PROX2: variants seen among roughly 807,000 people sequenced by gnomAD.
PROX2 encodes the protein prospero homeobox protein 2.
A neutral mutation model predicts 48.9 loss-of-function variants in PROX2; 46 were observed. That is an observed-to-expected ratio of 0.94 (90% CI 0.74 to 1.20). The LOEUF is 1.20. Ranked by LOEUF, PROX2 falls within the 50% of genes most tolerant of loss-of-function variation. The pLI is 0.00. For missense variants in PROX2, 663 were observed against 719.4 expected, an observed-to-expected ratio of 0.92 and a Z score of 0.90; for synonymous variants, 260 against 276.6, an observed-to-expected ratio of 0.94 and a Z score of 0.60.
intron 3 of PROX2, chr14:74,861,341 T>TTGA: frequency 2.9e-6 from 2 of 689,888 alleles, no homozygotes; most frequent in Non-Finnish European, 4.7e-6. Context: ...ACTTAAGTTC[T>TTGA]GCAAGATGCT....
intron 4 of PROX2, 30 bp from the exon 5 acceptor site, chr14:74,857,025 A>C: frequency 6.3e-7 from 1 of 1,594,412 alleles, no homozygotes; most frequent in South Asian, 1.1e-5. Context: ...ATCCAGTCAG[A>C]CATTTGCCAC....
Position 74,863,428 on chromosome 14 carries a change from AGTT to A in PROX2, c.404_406del (p.Gln135del). On this transcript the variant is annotated inframe_deletion, in exon 3 of 6. Coordinates refer to ENST00000556489, the MANE Select transcript of PROX2 (RefSeq NM_001243007.2). ...TCTTAGCTGTTGCTTCAGCAGATGA[AGTT>A]GTTCTCTCACACGAGGGCCCCCCTT... The A allele has an allele frequency of 6.2e-7, 1 of 1,613,468 alleles. No homozygotes were observed. Among genetic ancestry groups the A allele is most frequent in the South Asian group, 1.1e-5 (1 of 91,000 alleles).
chr14:74,868,917 G>C (rs968731518), intron 2 of PROX2, among the ~76,000 whole-genome samples: 1 of 151,988 alleles, frequency 6.6e-6, no homozygotes, highest in African/African-American at 2.4e-5. Flanking sequence ...TGAATCCCTA[G>C]AGCCACTTAG....
rs889447762 is a variant in PROX2, at chr14:74,854,870, G to T, written c.*262C>A. 3.8e-6 allele frequency: 1 copy of T among 260,050 alleles called. No homozygotes were observed. Among genetic ancestry groups the T allele is most frequent in the Admixed American group, 5.3e-5 (1 of 18,910 alleles). The allele number at this position is 260,050 out of a possible 1,614,324, so 16.1% of individuals were successfully genotyped here. A position where few individuals can be genotyped will look rare whatever the true frequency, so the allele number is the denominator to read the frequency against. On this transcript the variant is annotated 3_prime_UTR_variant, in exon 6 of 6. Transcript: ENST00000556489. ...CAACACCTGGAAACAATGGAGTTGAGCTTCAAGTCTTCTGATTGGAAACTT... is the reference window on the plus strand; with the variant it reads ...CAACACCTGGAAACAATGGAGTTGATCTTCAAGTCTTCTGATTGGAAACTT...
intron 5 of PROX2, chr14:74,856,580 C>T: frequency 1.8e-6 from 1 of 555,512 alleles, no homozygotes; most frequent in Non-Finnish European, 3.2e-6. Context: ...TCTCACTAAG[C>T]TTCAGAATGA....
intron 5 of PROX2, 145 bp from the exon 6 acceptor site, chr14:74,855,447 C>T: frequency 2.0e-6 from 1 of 494,174 alleles, no homozygotes. Flanking sequence ...TTCTGCAACC[C>T]TAGGACTCCT....
In PROX2 at chr14:74,864,719, T is replaced by C. The variant is rs545295523; in HGVS notation, c.-174-711A>G. Among the ~76,000 whole-genome samples the C allele has an allele frequency of 7.2e-5, 11 of 152,108 alleles. 1 individual carries two copies. The South Asian group carries it at 1.9e-3, about 26-fold the overall frequency. ...AGCTGGGCGTGATGGCGGGCGCCTG[T>C]TAATCCCAGCTACTTGGGAGGCTGA... is the stretch of plus-strand genomic sequence containing the variant. On this transcript the variant is annotated intron_variant, in intron 2 of 5. Coordinates refer to ENST00000556489, the MANE Select transcript of PROX2 (RefSeq NM_001243007.2).
intron 3 of PROX2, among the ~76,000 whole-genome samples, chr14:74,860,333 A>G (rs1378171692): frequency 6.6e-6 from 1 of 151,902 alleles, no homozygotes; most frequent in African/African-American, 2.4e-5. Flanking sequence ...GATAAAATCT[A>G]TTAATAGCCT....
chr14:74,862,257 A>G (rs184716860), intron 3 of PROX2, among the ~76,000 whole-genome samples: 1 of 152,330 alleles, frequency 6.6e-6, no homozygotes, highest in Non-Finnish European at 1.5e-5. Context: ...GCTGGAGTGC[A>G]GTGGTGCAAT....
intron 2 of PROX2, 25 bp from the exon 3 acceptor site, chr14:74,864,033 G>GAGACAGGA: frequency 2.1e-6 from 1 of 486,484 alleles, no homozygotes; most frequent in Non-Finnish European, 3.3e-6. Flanking sequence ...AGGAAGAAAA[G>GAGACAGGA]AGTACGTGTG....
In PROX2 at chr14:74,862,820, G is replaced by A; in HGVS notation, c.1015C>T (p.His339Tyr). Residue 339 changes from histidine to tyrosine, a missense_variant, in exon 3 of 6, where the codon CAC becomes TAC. Coordinates refer to ENST00000556489, the MANE Select transcript of PROX2 (RefSeq NM_001243007.2). ...CTAAGAATCTGATTTTCCTGGATGTGGGAAGGTGCAGTCAAGGGAAAGTTT... is the reference window on the plus strand; with the variant it reads ...CTAAGAATCTGATTTTCCTGGATGTAGGAAGGTGCAGTCAAGGGAAAGTTT... ...PANFPLTAPS[H>Y]IQENQILSQL... is the part of the protein sequence containing the mutation. 6 of 1,614,036 alleles carry A rather than the reference G, an allele frequency of 3.7e-6. No individual in the cohort carries two copies. Among genetic ancestry groups the A allele is most frequent in the Non-Finnish European group, 5.1e-6 (6 of 1,179,888 alleles).
intron 2 of PROX2, 118 bp downstream of exon 2, chr14:74,870,985 T>A (rs1883199845): frequency 6.6e-6 from 1 of 152,270 alleles, no homozygotes; most frequent in Non-Finnish European, 1.5e-5. Context: ...GAGGTTGCAG[T>A]GAGCCGAGAT....
At chr14:74,868,987 A>T (rs964325195) in intron 2 of PROX2, among the ~76,000 whole-genome samples, 8 of 152,198 alleles carry the variant, frequency 5.3e-5, no homozygotes, top group African/African-American at 1.4e-4. Context: ...CATAACCATA[A>T]TATCTATGGT....
chr14:74,854,468 T>G lies in PROX2; in HGVS notation c.*664A>C. 1 of 223,448 alleles carries G rather than the reference T, an allele frequency of 4.5e-6. No homozygotes were observed. The highest frequency in any genetic ancestry group is 9.3e-6 in the Non-Finnish European group (1 of 107,542). The allele number at this position is 223,448 out of a possible 1,614,324, so 13.8% of individuals were successfully genotyped here. ...GCAGGAGATGGGTCCAGCATGCAGT[T>G]GGGCATCAGAAAGTCTTGGTTCCTC... On this transcript the variant is annotated 3_prime_UTR_variant, in exon 6 of 6. Transcript: ENST00000556489.
chr14:74,873,323 T>C (rs1454078594), intron 1 of PROX2, among the ~76,000 whole-genome samples: 6 of 152,182 alleles, frequency 3.9e-5, no homozygotes, highest in Admixed American at 3.9e-4. Flanking sequence ...ACAAATTAAC[T>C]CTGCCTTTTC....
At chr14:74,858,228 A>G in intron 4 of PROX2, 179 bp downstream of exon 4, 1 of 506,078 alleles carries the variant, frequency 2.0e-6, no homozygotes, top group South Asian at 3.5e-5. Context: ...TTTCTAGCCT[A>G]AAGTTATTCA....
intron 2 of PROX2, among the ~76,000 whole-genome samples, chr14:74,867,089 T>C (rs1883083965): frequency 6.6e-6 from 1 of 152,178 alleles, no homozygotes; most frequent in Non-Finnish European, 1.5e-5. Flanking sequence ...TTTCTTTTGA[T>C]TGTTTCCATT....
intron 3 of PROX2, among the ~76,000 whole-genome samples, chr14:74,860,260 G>C (rs1053684389): frequency 6.6e-6 from 1 of 152,190 alleles, no homozygotes; most frequent in Non-Finnish European, 1.5e-5. Flanking sequence ...ATCCACAGCT[G>C]AGACAGTGTA....
rs1035138014 is a variant in PROX2, at chr14:74,854,919, C to T, written c.*213G>A. The T allele has an allele frequency of 2.8e-6, 1 of 361,936 alleles. No individual in the cohort carries two copies. The highest frequency in any genetic ancestry group is 4.1e-5 in the East Asian group (1 of 24,226). 22.4% of individuals were successfully genotyped at this position (361,936 alleles called of 1,614,324 possible). A position where few individuals can be genotyped will look rare whatever the true frequency, so the allele number is the denominator to read the frequency against. ...TTGTGTTCCTTTTACAATATACTACCAATACACCAATATAGTTAGTACATT... is the reference window on the plus strand; with the variant it reads ...TTGTGTTCCTTTTACAATATACTACTAATACACCAATATAGTTAGTACATT... On this transcript the variant is annotated 3_prime_UTR_variant, in exon 6 of 6. Coordinates refer to ENST00000556489, the MANE Select transcript of PROX2 (RefSeq NM_001243007.2).
Sources: allele counts gnomAD v4.1 joint callset (sites outside exome capture counted in the v4.1 genomes callset), GRCh38; gene constraint gnomAD v4.1.1; transcripts MANE v1.5; gene names NCBI Gene and HGNC (gene_info 2026-07-23, HGNC 2026-07-21).